Variants in TUFT1 observed in about 807,000 individuals in gnomAD.
TUFT1 encodes the protein tuftelin.
In TUFT1, 43 loss-of-function variants were observed where a neutral mutation model predicts 57.8. The ratio of observed to expected loss-of-function variants is 0.74; its 90% CI spans 0.58 to 0.96. The LOEUF (loss-of-function observed/expected upper bound fraction) is 0.96. Ranked by LOEUF, TUFT1 falls within the 40% of genes least tolerant of loss-of-function variation. The pLI, the probability that TUFT1 is intolerant of heterozygous loss-of-function variation, is 0.00. For synonymous variants in TUFT1, 166 were observed against 176.7 expected (o/e 0.94, Z 0.48); for missense variants, 459 against 489.0 (o/e 0.94, Z 0.58).
At chr1:151,563,598 A>G (rs1406309326) in intron 3 of TUFT1, among the ~76,000 whole-genome samples, 1 of 152,202 alleles carries the variant, frequency 6.6e-6, no homozygotes, top group Non-Finnish European at 1.5e-5. Context: ...GAAATTGCCT[A>G]ATGATGCATC....
intron 2 of TUFT1, 151 bp from the exon 3 acceptor site, chr1:151,562,434 C>T (rs528393101): frequency 1.4e-5 from 10 of 740,592 alleles, no homozygotes; most frequent in East Asian, 1.1e-4. Flanking sequence ...AGTTCGGAAA[C>T]GAATTTTTGG....
chr1:151,579,691 A>T lies in TUFT1; in HGVS notation c.967A>T (p.Ile323Phe), dbSNP rs1413059497. Residue 323 changes from isoleucine (I) to phenylalanine (F), a missense_variant, in exon 11 of 13, where the codon ATC becomes TTC. Transcript: ENST00000368849. ...TGTGATCCAGTCAAAGGACGCCACCATCCAGGAGCTCAAGGAGAAAATCGC... is the reference window on the plus strand; with the variant it reads ...TGTGATCCAGTCAAAGGACGCCACCTTCCAGGAGCTCAAGGAGAAAATCGC... Reference protein sequence around the residue: ...KAVIQSKDATIQELKEKIAYL... With the variant: ...KAVIQSKDATFQELKEKIAYL... 1 of 1,614,054 alleles carries T rather than the reference A, an allele frequency of 6.2e-7. No homozygotes were observed. The highest frequency in any genetic ancestry group is 1.1e-5 in the South Asian group (1 of 91,042).
chr1:151,562,014 A>G, intron 1 of TUFT1, 77 bp from the exon 2 acceptor site: 3 of 1,511,566 alleles, frequency 2.0e-6, no homozygotes, highest in Non-Finnish European at 2.7e-6. Flanking sequence ...TGGCAGAAGC[A>G]CCCCTGTACT....
rs924922650 is a variant in TUFT1 at position 151,581,862 on chromosome 1, G to A, written c.*155G>A. 1.9e-5 allele frequency: 14 copies of A among 736,304 alleles called. No individual in the cohort carries two copies. The East Asian group carries it at 2.4e-4, about 13-fold the overall frequency. The allele number at this position is 736,304 out of a possible 1,614,324, so 45.6% of individuals were successfully genotyped here. A position where few individuals can be genotyped will look rare whatever the true frequency, so the allele number is the denominator to read the frequency against. On this transcript the variant is annotated 3_prime_UTR_variant, in exon 13 of 13. Coordinates refer to ENST00000368849, the MANE Select transcript of TUFT1 (RefSeq NM_020127.3). ...GTGTCTCACCATTCCCAAGCCCCTG[G>A]CCACTCTAAGCTGGGCAGACGGAGC...
intron 1 of TUFT1, chr1:151,561,605 C>G (rs775772362): frequency 3.4e-6 from 4 of 1,185,504 alleles, no homozygotes; most frequent in Non-Finnish European, 4.3e-6. Context: ...TGGATAATTT[C>G]CATGTGGCTC....
At position 151,564,581 on chromosome 1, in the gene TUFT1, C is replaced by T. The variant is rs1206251029; in HGVS notation, c.381C>T (p.Asn127=). ...ATATAAGTAGCAAGCTTGACAGGAA[C>T]CTAGGAGATTCTCTCCATCGACAGG... ...REDISSKLDR[N]LGDSLHRQEI... The change falls in exon 5 of 13, where the codon AAC becomes AAT. Residue 127 remains asparagine, a synonymous_variant. Coordinates refer to ENST00000368849, the MANE Select transcript of TUFT1 (RefSeq NM_020127.3). 6.2e-7 allele frequency: 1 copy of T among 1,614,012 alleles called. No homozygotes were observed. The highest frequency in any genetic ancestry group is 1.3e-5 in the African/African-American group (1 of 74,922).
chr1:151,558,493 A>G (rs1208416422), intron 1 of TUFT1, among the ~76,000 whole-genome samples: 1 of 152,058 alleles, frequency 6.6e-6, no homozygotes, highest in Non-Finnish European at 1.5e-5. Context: ...TTGAATCTAT[A>G]GATTTGTGTC....
intron 5 of TUFT1, 191 bp from the exon 6 acceptor site, chr1:151,565,972 T>C: frequency 2.1e-6 from 1 of 485,060 alleles, no homozygotes; most frequent in Admixed American, 3.3e-5. Context: ...CGTTCCTTCT[T>C]CCTCTTCTCC....
intron 1 of TUFT1, chr1:151,540,638 G>T (rs1370065176): frequency 1.3e-5 from 8 of 593,862 alleles, no homozygotes; most frequent in Non-Finnish European, 2.4e-5. Context: ...AGGGTTCGGG[G>T]CGTCCCTGCC....
chr1:151,540,797 G>T (rs1665138698), intron 1 of TUFT1: 1 of 224,730 alleles, frequency 4.4e-6, no homozygotes, highest in African/African-American at 2.3e-5. Context: ...TTTGGACGTT[G>T]TGTCCTGCCG....
chr1:151,540,498 C>T (rs1665125865), intron 1 of TUFT1, 72 bp downstream of exon 1: 2 of 1,576,680 alleles, frequency 1.3e-6, no homozygotes, highest in South Asian at 2.2e-5. Flanking sequence ...TTCCGTGCCC[C>T]GCGCCGTGTT....
At chr1:151,573,759 A>G (rs1269377797) in intron 7 of TUFT1, among the ~76,000 whole-genome samples, 7 of 152,172 alleles carry the variant, frequency 4.6e-5, no homozygotes, top group Admixed American at 3.3e-4. Context: ...AAAAATAATA[A>G]TAATAAATAA....
intron 1 of TUFT1, among the ~76,000 whole-genome samples, chr1:151,545,429 G>A (rs1665304328): frequency 6.6e-6 from 1 of 152,168 alleles, no homozygotes; most frequent in Admixed American, 6.5e-5. Context: ...TTCATTCTTA[G>A]TTTTCTCACT....
chr1:151,562,044 A>G, intron 1 of TUFT1, 47 bp from the exon 2 acceptor site: 2 of 1,591,902 alleles, frequency 1.3e-6, no homozygotes, highest in Non-Finnish European at 1.7e-6. Context: ...TTGTACCTGT[A>G]GACTGTAAAG....
rs574449419 is a variant in TUFT1 at position 151,562,253 on chromosome 1, G to C, written c.135+88G>C. ...TCTTACCCAAGTACTGCCTGGAGCC[G>C]ACTCTGGTGATGCGAGCGTGGGAGC... On this transcript the variant is annotated intron_variant, in intron 2 of 12. Transcript: ENST00000368849. 1.6e-3 allele frequency: 1,896 copies of C among 1,205,470 alleles called. 3 individuals carry two copies. The highest frequency in any genetic ancestry group is 1.6e-3 in the Non-Finnish European group (1,351 of 825,268). The allele number at this position is 1,205,470 out of a possible 1,614,324, so 74.7% of individuals were successfully genotyped here. A position where few individuals can be genotyped will look rare whatever the true frequency, so the allele number is the denominator to read the frequency against.
At chr1:151,562,558 C>CTGTG in intron 2 of TUFT1, 27 bp from the exon 3 acceptor site, 1 of 1,558,996 alleles carries the variant, frequency 6.4e-7, no homozygotes, top group Non-Finnish European at 8.8e-7. Context: ...CTCTCTCTCT[C>CTGTG]TCTCTCTCTC....
intron 6 of TUFT1, among the ~76,000 whole-genome samples, chr1:151,568,641 C>T (rs933281515): frequency 2.0e-5 from 3 of 152,210 alleles, no homozygotes; most frequent in Admixed American, 2.0e-4. Flanking sequence ...TAACTCATGA[C>T]ATCTAGATTT....
chr1:151,553,422 G>C (rs982101817), intron 1 of TUFT1, among the ~76,000 whole-genome samples: 12 of 152,138 alleles, frequency 7.9e-5, no homozygotes, highest in African/African-American at 2.9e-4. Context: ...AATAGAAAGA[G>C]AGGTGGAAAG....
At position 151,574,190 on chromosome 1, in the gene TUFT1, C is replaced by T. The variant is rs1004952499; in HGVS notation, c.595-80C>T. 2.6e-6 allele frequency: 4 copies of T among 1,536,420 alleles called. No individual in the cohort carries two copies. The Admixed American group carries it at 6.3e-5, about 24-fold the overall frequency. ...TCATGGCTCCAGAGCCGCCCAGGTT[C>T]CTGGGTTCTTTTCTAAGGTTTTTTT... On this transcript the variant is annotated intron_variant, in intron 7 of 12. Transcript: ENST00000368849.
Sources: gnomAD v4.1 joint callset for allele counts (sites outside exome capture counted in the v4.1 genomes callset) on GRCh38, gnomAD v4.1.1 for gene constraint, MANE v1.5 for transcripts, NCBI Gene and HGNC (gene_info 2026-07-23, HGNC 2026-07-21) for gene names.